MYO3B: variants seen among roughly 807,000 people sequenced by gnomAD.
MYO3B encodes the protein myosin-IIIb.
A neutral mutation model predicts 174.6 loss-of-function variants in MYO3B; 156 were observed. That is an observed-to-expected ratio of 0.89 (90% CI 0.78 to 1.02). MYO3B has a LOEUF of 1.02. MYO3B is among the 50% of genes least tolerant of loss of function. The probability of loss-of-function intolerance (pLI) is 0.00; values close to 1 mark genes in which losing one functional copy is unlikely to be tolerated. For missense variants in MYO3B, 1,632 were observed against 1,639.4 expected (o/e 1.00, Z 0.08); for synonymous variants, 563 against 569.1 (o/e 0.99, Z 0.15).
At chr2:170,636,168 T>TATC (rs1214754149) in intron 32 of MYO3B, among the ~76,000 whole-genome samples, 1 of 152,222 alleles carries the variant, frequency 6.6e-6, no homozygotes, top group African/African-American at 2.4e-5. Flanking sequence ...CTCTCGCCAC[T>TATC]ATCAAAGTAT....
At chr2:170,233,079 C>A (rs1476091023) in intron 6 of MYO3B, among the ~76,000 whole-genome samples, 1 of 152,186 alleles carries the variant, frequency 6.6e-6, no homozygotes, top group Non-Finnish European at 1.5e-5. Context: ...TGTGTCCCAT[C>A]CAAGTTGGCT....
At chr2:170,408,336 T>G (rs1558972268) in intron 22 of MYO3B, among the ~76,000 whole-genome samples, 1 of 152,222 alleles carries the variant, frequency 6.6e-6, no homozygotes, top group Non-Finnish European at 1.5e-5. Context: ...CCTAACCAAT[T>G]TGGAACAGGT....
At chr2:170,195,810 C>T (rs1415308589) in intron 1 of MYO3B, among the ~76,000 whole-genome samples, 1 of 152,128 alleles carries the variant, frequency 6.6e-6, no homozygotes, top group African/African-American at 2.4e-5. Flanking sequence ...CACAGCCAAA[C>T]AGTCAAGCCA....
intron 8 of MYO3B, chr2:170,350,570 A>C: frequency 6.6e-6 from 1 of 152,172 alleles, no homozygotes; most frequent in Non-Finnish European, 1.5e-5. Context: ...TGCCTTAGGG[A>C]ACTATGCAGA....
intron 32 of MYO3B, among the ~76,000 whole-genome samples, chr2:170,649,381 T>G (rs1467409739): frequency 1.9e-5 from 1 of 52,316 alleles, no homozygotes; most frequent in Non-Finnish European, 3.5e-5. Flanking sequence ...AATATAAATA[T>G]ATTATATAAA....
At position 170,404,333 on chromosome 2, in the gene MYO3B, C is replaced by G; in HGVS notation, c.2364C>G (p.Pro788=). ...RPLLDMFLQK[P]LGLLALLDEE... is the part of the protein sequence containing the mutation. ...TCTTGGACATGTTCCTCCAGAAACC[C>G]CTGGGACTGCTTGCACTTTTGGATG... Residue 788 remains proline, a synonymous_variant, in exon 20 of 35, where the codon CCC becomes CCG. Transcript: ENST00000408978. 5 of 1,613,896 alleles carry G rather than the reference C, an allele frequency of 3.1e-6. No homozygotes were observed. The highest frequency in any genetic ancestry group is 4.2e-6 in the Non-Finnish European group (5 of 1,179,904).
rs1491565332 is a variant in MYO3B, at chr2:170,453,452, ACG to A, written c.2730+9407_2730+9408del. On this transcript the variant is annotated intron_variant, in intron 23 of 34. Coordinates refer to ENST00000408978, the MANE Select transcript of MYO3B (RefSeq NM_138995.5). ...CACACACACACACACACACACACAC[ACG>A]AGAGAGAGAGAGAGAAAGAGAGAGC... 6.0e-5 allele frequency among the ~76,000 whole-genome samples: 7 copies of A among 116,042 alleles called. No homozygotes were observed. The East Asian group carries it at 8.5e-4, about 14-fold the overall frequency. The allele number at this position is 116,042 out of a possible 152,430, so 76.1% of individuals were successfully genotyped here.
intron 32 of MYO3B, among the ~76,000 whole-genome samples, chr2:170,596,841 T>C (rs752003316): frequency 2.2e-4 from 33 of 152,228 alleles, no homozygotes; most frequent in Non-Finnish European, 4.0e-4. Flanking sequence ...TAAAATAGGC[T>C]TAGATTCCTT....
At chr2:170,261,665 G>A (rs181857036) in intron 7 of MYO3B, among the ~76,000 whole-genome samples, 2 of 152,196 alleles carry the variant, frequency 1.3e-5, no homozygotes, top group African/African-American at 2.4e-5. Context: ...AGTGTACACA[G>A]TATAAAAAGT....
At chr2:170,580,718 A>ATATGTGTGTGTG (rs768974458) in intron 32 of MYO3B, among the ~76,000 whole-genome samples, 38 of 142,772 alleles carry the variant, frequency 2.7e-4, no homozygotes, top group African/African-American at 8.6e-4. Flanking sequence ...AACCTTATAT[A>ATATGTGTGTGTG]TGTGTGTGTG....
intron 32 of MYO3B, among the ~76,000 whole-genome samples, chr2:170,630,664 T>G (rs1262720410): frequency 6.6e-6 from 1 of 152,154 alleles, no homozygotes; most frequent in South Asian, 2.1e-4. Flanking sequence ...GACTGACACC[T>G]CATACAGCTG....
chr2:170,220,328 G>A (rs2092881939), intron 6 of MYO3B, among the ~76,000 whole-genome samples: 1 of 150,954 alleles, frequency 6.6e-6, no homozygotes, highest in Non-Finnish European at 1.5e-5. Context: ...TAACTGGATT[G>A]AATAAAATAT....
chr2:170,651,945 T>C (rs1200361276), intron 33 of MYO3B, among the ~76,000 whole-genome samples, 163 bp from the exon 34 acceptor site: 1 of 142,344 alleles, frequency 7.0e-6, no homozygotes, highest in Non-Finnish European at 1.5e-5. Context: ...ACGAGCAAGA[T>C]GCATGCTTCA....
chr2:170,270,668 G>A (rs1305787217), intron 7 of MYO3B, among the ~76,000 whole-genome samples: 1 of 152,150 alleles, frequency 6.6e-6, no homozygotes, highest in African/African-American at 2.4e-5. Flanking sequence ...GACAGTCACT[G>A]CTAGAGCCAT....
intron 34 of MYO3B, 110 bp downstream of exon 34, chr2:170,652,264 G>C: frequency 1.1e-6 from 1 of 873,964 alleles, no homozygotes. Context: ...ATGCAATCCA[G>C]ATATTGCCAC....
chr2:170,402,306 A>G lies in MYO3B; in HGVS notation c.2130-542A>G, dbSNP rs139535809. Reference sequence around the variant, plus strand: ...GTTCTAAGTCAGTTTTCTCACCTGTAAAATGAGGATAATAATATCCTCTTC... The same window carrying G: ...GTTCTAAGTCAGTTTTCTCACCTGTGAAATGAGGATAATAATATCCTCTTC... On this transcript the variant is annotated intron_variant, in intron 18 of 34. Transcript: ENST00000408978. Among the ~76,000 whole-genome samples the G allele has an allele frequency of 1.4e-4, 21 of 152,362 alleles. No individual in the cohort carries two copies. In the South Asian group the frequency reaches 2.1e-3, roughly 15 times the overall value.
At chr2:170,401,746 C>T in intron 18 of MYO3B, 55 bp downstream of exon 18, 1 of 1,506,996 alleles carries the variant, frequency 6.6e-7, no homozygotes, top group Non-Finnish European at 9.1e-7. Context: ...ACCCCGCCGT[C>T]TCTTAGAGTT....
chr2:170,646,666 G>A (rs998129248), intron 32 of MYO3B, among the ~76,000 whole-genome samples: 2 of 152,174 alleles, frequency 1.3e-5, no homozygotes, highest in Admixed American at 6.5e-5. Flanking sequence ...AAAGTGTTGG[G>A]ATTACAGGCG....
intron 32 of MYO3B, among the ~76,000 whole-genome samples, chr2:170,573,227 G>A (rs977031409): frequency 3.0e-4 from 14 of 46,480 alleles, no homozygotes; most frequent in Non-Finnish European, 8.5e-4. Flanking sequence ...TATACTGTGT[G>A]TATATATATA....
Sources: gnomAD v4.1 joint callset for allele counts (sites outside exome capture counted in the v4.1 genomes callset) on GRCh38, gnomAD v4.1.1 for gene constraint, MANE v1.5 for transcripts, NCBI Gene and HGNC (gene_info 2026-07-23, HGNC 2026-07-21) for gene names.